Variants in FGFR1OP2 observed in about 807,000 individuals in gnomAD.
The protein encoded by FGFR1OP2 is fibroblast growth factor receptor 1 oncogene partner 2.
Under a neutral mutation model 35.2 loss-of-function variants are expected in FGFR1OP2, and 17 were observed. That is an observed-to-expected ratio of 0.48 (90% CI 0.33 to 0.73). The LOEUF (loss-of-function observed/expected upper bound fraction) is 0.73. Among genes scored for constraint, FGFR1OP2 ranks in the 30% least tolerant of loss-of-function variants. FGFR1OP2 has a pLI of 0.02. For missense variants in FGFR1OP2, 251 were observed against 307.3 expected (o/e 0.82, Z 1.37); for synonymous variants, 105 against 104.6 (o/e 1.00, Z -0.03).
chr12:26,946,468 G>A (rs1031885470), intron 1 of FGFR1OP2, among the ~76,000 whole-genome samples: 88 of 152,110 alleles, frequency 5.8e-4, no homozygotes, highest in African/African-American at 2.1e-3. Flanking sequence ...GTACCACCAC[G>A]CCCGGTTAAT....
intron 1 of FGFR1OP2, among the ~76,000 whole-genome samples, chr12:26,947,103 A>G (rs1191555299): frequency 6.6e-6 from 1 of 151,954 alleles, no homozygotes; most frequent in Non-Finnish European, 1.5e-5. Flanking sequence ...GTGAACATTC[A>G]TGTACAGTTT....
At chr12:26,959,765 T>G (rs1457868192) in intron 4 of FGFR1OP2, among the ~76,000 whole-genome samples, 1 of 152,188 alleles carries the variant, frequency 6.6e-6, no homozygotes, top group Non-Finnish European at 1.5e-5. Context: ...TATTAATGTT[T>G]GTGATTTTGA....
At chr12:26,948,793 C>T (rs758497421) in intron 1 of FGFR1OP2, among the ~76,000 whole-genome samples, 6 of 152,144 alleles carry the variant, frequency 3.9e-5, no homozygotes, top group South Asian at 2.1e-4. Context: ...GGAGAATACA[C>T]AAAATACAGT....
At chr12:26,948,778 G>A (rs913573339) in intron 1 of FGFR1OP2, among the ~76,000 whole-genome samples, 1 of 152,178 alleles carries the variant, frequency 6.6e-6, no homozygotes, top group Non-Finnish European at 1.5e-5. Context: ...GTTAGAATGC[G>A]CTTGGGAGAA....
intron 1 of FGFR1OP2, chr12:26,953,553 A>T (rs1938971828): frequency 6.6e-6 from 1 of 152,192 alleles, no homozygotes; most frequent in Non-Finnish European, 1.5e-5. Flanking sequence ...TTTAAGGAAG[A>T]TGCAAGAGTT....
At chr12:26,939,616 T>G (rs1938683236) in intron 1 of FGFR1OP2, among the ~76,000 whole-genome samples, 1 of 152,216 alleles carries the variant, frequency 6.6e-6, no homozygotes, top group African/African-American at 2.4e-5. Flanking sequence ...CATAAATCAT[T>G]GTCTTCTCAG....
chr12:26,939,864 G>T (rs972199592), intron 1 of FGFR1OP2, among the ~76,000 whole-genome samples: 1 of 152,114 alleles, frequency 6.6e-6, no homozygotes, highest in African/African-American at 2.4e-5. Context: ...GGAATTCACC[G>T]TAAGAGTTCT....
chr12:26,962,613 G>A (rs1459741699), intron 5 of FGFR1OP2: 4 of 148,994 alleles, frequency 2.7e-5, no homozygotes, highest in Admixed American at 6.7e-5. Flanking sequence ...GACAGTCTTT[G>A]TATTCCTGTT....
intron 1 of FGFR1OP2, among the ~76,000 whole-genome samples, chr12:26,945,142 A>G (rs575415918): frequency 1.3e-5 from 2 of 151,514 alleles, no homozygotes; most frequent in African/African-American, 2.4e-5. Context: ...AGGTTTTTCA[A>G]TTTTTATTTT....
At chr12:26,945,539 T>TGTA (rs1175254969) in intron 1 of FGFR1OP2, among the ~76,000 whole-genome samples, 1 of 152,212 alleles carries the variant, frequency 6.6e-6, no homozygotes, top group East Asian at 1.9e-4. Context: ...TTACTTACTT[T>TGTA]AGTTTAATTT....
At chr12:26,960,251 A>G (rs1258107190) in intron 4 of FGFR1OP2, among the ~76,000 whole-genome samples, 1 of 152,178 alleles carries the variant, frequency 6.6e-6, no homozygotes, top group Non-Finnish European at 1.5e-5. Flanking sequence ...TTGGAGTAAG[A>G]GATCCTTTTG....
intron 1 of FGFR1OP2, among the ~76,000 whole-genome samples, chr12:26,944,543 G>A (rs1464737007): frequency 6.6e-6 from 1 of 152,212 alleles, no homozygotes; most frequent in Admixed American, 6.5e-5. Context: ...ATTGGAGACA[G>A]CCTTGAATCT....
intron 1 of FGFR1OP2, among the ~76,000 whole-genome samples, chr12:26,946,541 G>T (rs1199381052): frequency 6.6e-6 from 1 of 152,134 alleles, no homozygotes; most frequent in Non-Finnish European, 1.5e-5. Flanking sequence ...GGAACCCCTG[G>T]CTTCATGATC....
At chr12:26,959,250 A>T (rs1023685974) in intron 4 of FGFR1OP2, among the ~76,000 whole-genome samples, 1 of 152,086 alleles carries the variant, frequency 6.6e-6, no homozygotes, top group Non-Finnish European at 1.5e-5. Context: ...CAATCCAGGG[A>T]TGTTTAAGTG....
chr12:26,942,474 AAC>A (rs1159560819), intron 1 of FGFR1OP2, among the ~76,000 whole-genome samples: 1 of 152,238 alleles, frequency 6.6e-6, no homozygotes, highest in Non-Finnish European at 1.5e-5. Flanking sequence ...ATTATTACGT[AAC>A]AGTTTGATTT....
At position 26,956,572 on chromosome 12, in the gene FGFR1OP2, A is replaced by C. The variant is rs370147363; in HGVS notation, c.165A>C (p.Glu55Asp). 409 of 1,590,012 alleles carry C rather than the reference A, an allele frequency of 2.6e-4. No individual in the cohort carries two copies. Among genetic ancestry groups the C allele is most frequent in the Non-Finnish European group, 3.3e-4 (386 of 1,168,086 alleles). Residue 55 changes from glutamate to aspartate, a missense_variant, in exon 3 of 7, where the codon GAA (glutamate) becomes GAC (aspartate). By Grantham distance (45) the Glu-to-Asp change is conservative. Coordinates refer to ENST00000229395, the MANE Select transcript of FGFR1OP2 (RefSeq NM_015633.3). ...QYQEEIQELNEVARHRPRSTL... is the reference protein window; with the variant it reads ...QYQEEIQELNDVARHRPRSTL... ...AGGAAGAAATTCAAGAACTTAATGA[A>C]GTCGCGAGACATCGGCCACGGTCCA...
At chr12:26,949,131 T>G (rs1220874558) in intron 1 of FGFR1OP2, among the ~76,000 whole-genome samples, 1 of 152,194 alleles carries the variant, frequency 6.6e-6, no homozygotes, top group African/African-American at 2.4e-5. Context: ...GATTCACCAT[T>G]ACAGTTTTTC....
chr12:26,947,526 C>T (rs1938848997), intron 1 of FGFR1OP2, among the ~76,000 whole-genome samples: 1 of 152,110 alleles, frequency 6.6e-6, no homozygotes, highest in African/African-American at 2.4e-5. Context: ...GGACTACAGG[C>T]ATGTGCCACC....
intron 1 of FGFR1OP2, among the ~76,000 whole-genome samples, chr12:26,943,049 T>C (rs937866958): frequency 1.3e-5 from 2 of 152,184 alleles, no homozygotes; most frequent in African/African-American, 4.8e-5. Context: ...TTTTCTCTTA[T>C]TTTTTTCCTG....
Sources: allele counts gnomAD v4.1 joint callset (sites outside exome capture counted in the v4.1 genomes callset), GRCh38; gene constraint gnomAD v4.1.1; transcripts MANE v1.5; gene names NCBI Gene and HGNC (gene_info 2026-07-23, HGNC 2026-07-21).